The following DLGAP2 variants were observed in gnomAD, a reference collection of about 807,000 sequenced individuals.
DLGAP2 encodes DLG associated protein 2.
A neutral mutation model predicts 100.3 loss-of-function variants in DLGAP2; 26 were observed. That is an observed-to-expected ratio of 0.26 (90% CI 0.19 to 0.36). DLGAP2 has a LOEUF of 0.36. Ranked by LOEUF, DLGAP2 falls within the 10% of genes least tolerant of loss-of-function variation. The pLI is 1.00. For synonymous variants in DLGAP2, 886 were observed against 630.1 expected (o/e 1.41, Z -6.08); for missense variants, 1,858 against 1,453.2 (o/e 1.28, Z -4.53).
intron 11 of DLGAP2, among the ~76,000 whole-genome samples, chr8:1,677,051 CAA>C (rs1210889452): frequency 6.6e-6 from 1 of 152,160 alleles, no homozygotes; most frequent in East Asian, 1.9e-4. Flanking sequence ...ACAAAAAATA[CAA>C]AGTGATATCC....
chr8:863,039 G>A (rs900769264), intron 1 of DLGAP2, among the ~76,000 whole-genome samples: 15 of 152,194 alleles, frequency 9.9e-5, no homozygotes, highest in East Asian at 7.7e-4. Context: ...GGGACATGCT[G>A]TGAAATCTTG....
intron 3 of DLGAP2, chr8:1,300,310 A>T (rs1268212328): frequency 6.6e-6 from 1 of 151,912 alleles, no homozygotes; most frequent in African/African-American, 2.4e-5. Flanking sequence ...GGGTACTTGG[A>T]CCCTCCAGGG....
chr8:1,647,910 A>G (rs1328805704), intron 8 of DLGAP2, among the ~76,000 whole-genome samples: 3 of 152,224 alleles, frequency 2.0e-5, no homozygotes, highest in African/African-American at 7.2e-5. Flanking sequence ...ATGGTGGAAA[A>G]AGCGTAAGGA....
intron 2 of DLGAP2, among the ~76,000 whole-genome samples, chr8:1,139,755 G>C (rs1796488534): frequency 6.6e-6 from 1 of 152,148 alleles, no homozygotes; most frequent in Non-Finnish European, 1.5e-5. Context: ...AGTGAGGATG[G>C]TGCCTGGCAC....
chr8:1,260,704 C>A (rs1320201469), intron 3 of DLGAP2, among the ~76,000 whole-genome samples: 1 of 152,160 alleles, frequency 6.6e-6, no homozygotes, highest in Non-Finnish European at 1.5e-5. Flanking sequence ...TGGTAAATCT[C>A]CCCGGAGTCC....
chr8:1,029,278 GC>G (rs1801905963), intron 2 of DLGAP2, among the ~76,000 whole-genome samples: 1 of 152,220 alleles, frequency 6.6e-6, no homozygotes, highest in Non-Finnish European at 1.5e-5. Context: ...TCTGGCTGAG[GC>G]TGTCTTGGAT....
chr8:1,077,781 T>G lies in DLGAP2; in HGVS notation c.73+169815T>G, dbSNP rs568544378. Among the ~76,000 whole-genome samples, 3 of 152,344 alleles carry G rather than the reference T, an allele frequency of 2.0e-5. No individual in the cohort carries two copies. In the South Asian group the frequency reaches 6.2e-4, roughly 32 times the overall value. ...TACTGAAAAATCTTGGCATAGTTTATCAAACTCCCCTTTTCCACAAGAAGA... is the reference window on the plus strand; with the variant it reads ...TACTGAAAAATCTTGGCATAGTTTAGCAAACTCCCCTTTTCCACAAGAAGA... On this transcript the variant is annotated intron_variant, in intron 2 of 14. Coordinates refer to ENST00000637795, the MANE Select transcript of DLGAP2 (RefSeq NM_001346810.2).
At chr8:1,526,197 T>G (rs1174644973) in intron 4 of DLGAP2, among the ~76,000 whole-genome samples, 1 of 151,624 alleles carries the variant, frequency 6.6e-6, no homozygotes, top group Non-Finnish European at 1.5e-5. Context: ...CCTCCTCTGC[T>G]GGAGCCTCCT....
intron 2 of DLGAP2, among the ~76,000 whole-genome samples, chr8:1,048,104 T>C (rs948739487): frequency 6.6e-6 from 1 of 152,178 alleles, no homozygotes; most frequent in Non-Finnish European, 1.5e-5. Context: ...TATTTGACCT[T>C]GTGAGAGTTG....
chr8:838,912 G>T (rs1553412), intron 1 of DLGAP2, among the ~76,000 whole-genome samples: 2 of 152,070 alleles, frequency 1.3e-5, no homozygotes, highest in Non-Finnish European at 2.9e-5. Flanking sequence ...AAATGGCGAG[G>T]TGCTGCCTTT....
intron 2 of DLGAP2, among the ~76,000 whole-genome samples, chr8:1,171,625 T>A (rs1009953326): frequency 6.6e-6 from 1 of 152,242 alleles, no homozygotes; most frequent in African/African-American, 2.4e-5. Flanking sequence ...TTGATCCCTT[T>A]ACCATTATGT....
chr8:1,507,041 A>G (rs1360043637), intron 4 of DLGAP2, among the ~76,000 whole-genome samples: 1 of 152,192 alleles, frequency 6.6e-6, no homozygotes, highest in Non-Finnish European at 1.5e-5. Context: ...TGCATTTACA[A>G]TCTCCTAGCT....
chr8:810,568 A>G lies in DLGAP2; in HGVS notation c.18+72743A>G, dbSNP rs1796352283. Among the ~76,000 whole-genome samples the G allele has an allele frequency of 2.0e-5, 3 of 152,240 alleles. No homozygotes were observed. The South Asian group carries it at 6.2e-4, about 31-fold the overall frequency. ...TATTTTTCTGTAATCCTTATTTATG[A>G]GACATGCTGTGCTGCAATTTTTTTA... On this transcript the variant is annotated intron_variant, in intron 1 of 14. Transcript: ENST00000637795.
intron 3 of DLGAP2, among the ~76,000 whole-genome samples, chr8:1,345,402 A>AT (rs1801532747): frequency 6.6e-6 from 1 of 152,146 alleles, no homozygotes; most frequent in South Asian, 2.1e-4. Flanking sequence ...AGTTTCCCCC[A>AT]TTTTGCCCGA....
intron 5 of DLGAP2, among the ~76,000 whole-genome samples, chr8:1,563,750 G>A (rs1802276611): frequency 1.3e-5 from 2 of 152,106 alleles, no homozygotes; most frequent in Admixed American, 6.5e-5. Context: ...GCACTGGTGT[G>A]GCATGGCATT....
At chr8:1,213,013 A>G (rs1409077169) in intron 2 of DLGAP2, among the ~76,000 whole-genome samples, 1 of 152,048 alleles carries the variant, frequency 6.6e-6, no homozygotes, top group Non-Finnish European at 1.5e-5. Context: ...TTTTCTTGTT[A>G]AATTCTGTAA....
chr8:849,929 T>A (rs1025063625), intron 1 of DLGAP2, among the ~76,000 whole-genome samples: 3 of 152,076 alleles, frequency 2.0e-5, no homozygotes, highest in Admixed American at 6.6e-5. Flanking sequence ...CTGGGCCTGG[T>A]GCTGTGGGCC....
intron 2 of DLGAP2, among the ~76,000 whole-genome samples, chr8:959,071 G>A (rs1309710761): frequency 1.3e-5 from 2 of 152,142 alleles, no homozygotes; most frequent in Non-Finnish European, 2.9e-5. Flanking sequence ...TTTAATTATG[G>A]CTATGTAGAG....
intron 3 of DLGAP2, among the ~76,000 whole-genome samples, chr8:1,469,883 G>A (rs373689849): frequency 3.5e-4 from 53 of 152,026 alleles, no homozygotes; most frequent in Admixed American, 3.1e-3. Flanking sequence ...AGGGCCAAGC[G>A]TGGTGGTTTA....
Sources: gnomAD v4.1 joint callset for allele counts (sites outside exome capture counted in the v4.1 genomes callset) on GRCh38, gnomAD v4.1.1 for gene constraint, MANE v1.5 for transcripts, NCBI Gene and HGNC (gene_info 2026-07-23, HGNC 2026-07-21) for gene names.